NCOA2: variants seen among roughly 807,000 people sequenced by gnomAD.
NCOA2 encodes the protein nuclear receptor coactivator 2, also known as class E basic helix-loop-helix protein 75.
Under a neutral mutation model 145.1 loss-of-function variants are expected in NCOA2, and 21 were observed. The ratio of observed to expected loss-of-function variants is 0.14; its 90% confidence interval spans 0.10 to 0.21. NCOA2 has a LOEUF of 0.21. Among genes scored for constraint, NCOA2 ranks in the 10% least tolerant of loss-of-function variants. The pLI, the probability that NCOA2 is intolerant of heterozygous loss-of-function variation, is 1.00. For missense variants in NCOA2, 1,472 were observed against 1,837.6 expected, an observed-to-expected ratio of 0.80 and a Z score of 3.64; for synonymous variants, 619 against 637.5, an observed-to-expected ratio of 0.97 and a Z score of 0.44.
At chr8:70,432,496 T>C in the NCOA2 span, among the ~76,000 whole-genome samples, 1 of 152,068 alleles carries the variant, frequency 6.6e-6, no homozygotes, top group African/African-American at 2.4e-5. Context: ...ACTCTGTCTC[T>C]ACAAAAATAA....
At chr8:70,149,078 T>A (rs889522958) in intron 11 of NCOA2, among the ~76,000 whole-genome samples, 1 of 151,906 alleles carries the variant, frequency 6.6e-6, no homozygotes, top group Admixed American at 6.6e-5. Context: ...ATTTGAGTAG[T>A]CCTTTTTTTC....
rs1216404936 is a variant in NCOA2 at position 70,331,534 on chromosome 8, AATGTCT to A, written c.-76-34740_-76-34735del. Among the ~76,000 whole-genome samples the A allele has an allele frequency of 8.5e-5, 13 of 152,248 alleles. No homozygotes were observed. In the East Asian group the frequency reaches 2.5e-3, roughly 29 times the overall value. On this transcript the variant is annotated intron_variant, in intron 1 of 22. Transcript: ENST00000452400. The stretch of plus-strand genomic sequence containing the variant: ...AAGTAACAGATATTCCTTACGTTAA[AATGTCT>A]AAAATTAATGCTATGTATTAATTTA...
chr8:70,156,520 G>A lies in NCOA2; in HGVS notation c.1845C>T (p.Pro615=), dbSNP rs1488068656. ...CACTGCTCACGGCCGGGGGCAGGTT[G>A]GGGTCATTTGTTTCCTTTTGCTCTC... is the stretch of plus-strand genomic sequence containing the variant. The part of the protein sequence containing the change: ...HPGEQKETND[P]NLPPAVSSER... The change falls in exon 11 of 23, where the codon CCC becomes CCT. Residue 615 remains proline, a synonymous_variant. Transcript: ENST00000452400. The A allele has an allele frequency of 1.9e-6, 3 of 1,613,698 alleles. No homozygotes were observed. In the African/African-American group the frequency reaches 4.0e-5, roughly 22 times the overall value.
At chr8:70,393,977 T>C (rs1440218840) in intron 1 of NCOA2, among the ~76,000 whole-genome samples, 1 of 152,196 alleles carries the variant, frequency 6.6e-6, no homozygotes, top group Non-Finnish European at 1.5e-5. Flanking sequence ...TTACATGTAA[T>C]AGCTTAGAAT....
At position 70,156,178 on chromosome 8, in the gene NCOA2, A is replaced by C; in HGVS notation, c.2187T>G (p.Thr729=). ...TGGGGCTCACCGGCTCTTGTTTAAT[A>C]GTCACTTCTGATCCAGGAGCTGTGC... ...SSSTAPGSEV[T]IKQEPVSPKK... is the part of the protein sequence containing the mutation. Residue 729 remains threonine, a synonymous_variant, in exon 11 of 23, where the codon ACT becomes ACG. Transcript: ENST00000452400. 1.2e-6 allele frequency: 2 copies of C among 1,613,934 alleles called. No homozygotes were observed. The highest frequency in any genetic ancestry group is 1.7e-6 in the Non-Finnish European group (2 of 1,179,874).
At chr8:70,199,285 T>C (rs780652047) in intron 4 of NCOA2, among the ~76,000 whole-genome samples, 8 of 151,580 alleles carry the variant, frequency 5.3e-5, no homozygotes, top group Non-Finnish European at 1.0e-4. Flanking sequence ...TTGTCTCTAC[T>C]AAAAATACAA....
At chr8:70,347,929 T>C (rs1256089249) in intron 1 of NCOA2, among the ~76,000 whole-genome samples, 1 of 152,168 alleles carries the variant, frequency 6.6e-6, no homozygotes, top group Non-Finnish European at 1.5e-5. Flanking sequence ...AAGAAGAGAG[T>C]GTAGGAAATT....
At chr8:70,314,122 G>C (rs1211943191) in intron 1 of NCOA2, among the ~76,000 whole-genome samples, 1 of 134,712 alleles carries the variant, frequency 7.4e-6, no homozygotes, top group African/African-American at 2.8e-5. Context: ...AGAGCTTGCA[G>C]TGAGCCGAGA....
rs1806526985 is a variant in NCOA2, at chr8:70,111,406, AC to A, written c.*2225del. The A allele has an allele frequency of 4.5e-6, 1 of 221,558 alleles. No homozygotes were observed. The highest frequency in any genetic ancestry group is 9.0e-6 in the Non-Finnish European group (1 of 110,628). The allele number at this position is 221,558 out of a possible 1,614,324, so 13.7% of individuals were successfully genotyped here. The stretch of plus-strand genomic sequence containing the variant: ...ATTTCTGAACATTAAAACTGGTCAC[AC>A]TGAATTGTATGCCACATGAGCCTCA... On this transcript the variant is annotated 3_prime_UTR_variant, in exon 23 of 23. Coordinates refer to ENST00000452400, the MANE Select transcript of NCOA2 (RefSeq NM_006540.4).
intron 2 of NCOA2, among the ~76,000 whole-genome samples, chr8:70,283,251 C>A (rs6472514): frequency 0.38 from 57,712 of 152,056 alleles, 13,518 homozygotes; most frequent in East Asian, 0.69. Flanking sequence ...TCGATAGGTG[C>A]GACTAGTTGT....
At chr8:70,333,806 T>C (rs915312351) in intron 1 of NCOA2, among the ~76,000 whole-genome samples, 1 of 152,202 alleles carries the variant, frequency 6.6e-6, no homozygotes, top group African/African-American at 2.4e-5. Flanking sequence ...GCCTGAGCAA[T>C]ATACATACCT....
At chr8:70,348,666 A>G (rs940609049) in intron 1 of NCOA2, among the ~76,000 whole-genome samples, 5 of 152,160 alleles carry the variant, frequency 3.3e-5, no homozygotes, top group African/African-American at 1.2e-4. Context: ...CACATGTAAG[A>G]TAAGAGAGAA....
At chr8:70,194,676 CTTTTT>C (rs199803538) in intron 4 of NCOA2, among the ~76,000 whole-genome samples, 40 of 109,874 alleles carry the variant, frequency 3.6e-4, no homozygotes, top group East Asian at 2.7e-3. Flanking sequence ...CTTTTATCTT[CTTTTT>C]TTTTTTTTTT....
intron 13 of NCOA2, among the ~76,000 whole-genome samples, chr8:70,142,173 G>C (rs1282887441): frequency 6.6e-6 from 1 of 152,156 alleles, no homozygotes; most frequent in African/African-American, 2.4e-5. Flanking sequence ...GCTAAGACTT[G>C]ATATTCTAAA....
At chr8:70,228,936 C>T (rs183612613) in intron 2 of NCOA2, among the ~76,000 whole-genome samples, 9 of 152,290 alleles carry the variant, frequency 5.9e-5, no homozygotes, top group Admixed American at 2.0e-4. Flanking sequence ...AGAGACACCA[C>T]GACACAGTAT....
chr8:70,391,752 G>C (rs1462303001), intron 1 of NCOA2, among the ~76,000 whole-genome samples: 1 of 152,140 alleles, frequency 6.6e-6, no homozygotes, highest in African/African-American at 2.4e-5. Flanking sequence ...AGATGAAAGG[G>C]AGAGAACAAA....
intron 1 of NCOA2, among the ~76,000 whole-genome samples, chr8:70,307,220 C>CAAAAAA (rs57161747): frequency 7.8e-3 from 554 of 71,282 alleles, no homozygotes; most frequent in Non-Finnish European, 0.011. Context: ...CCTACATAAG[C>CAAAAAA]AAAAAAAAAA....
At chr8:70,450,186 G>A in the NCOA2 span, among the ~76,000 whole-genome samples, 6 of 152,174 alleles carry the variant, frequency 3.9e-5, no homozygotes, top group Non-Finnish European at 8.8e-5. Flanking sequence ...TCACACACAT[G>A]AGCTAGAGCT....
At chr8:70,371,889 T>A (rs183703966) in intron 1 of NCOA2, among the ~76,000 whole-genome samples, 1 of 152,208 alleles carries the variant, frequency 6.6e-6, no homozygotes, top group African/African-American at 2.4e-5. Flanking sequence ...AAGTGCATTA[T>A]TAGATAATAT....
Sources: gnomAD v4.1 joint callset for allele counts (sites outside exome capture counted in the v4.1 genomes callset) on GRCh38, gnomAD v4.1.1 for gene constraint, MANE v1.5 for transcripts, NCBI Gene and HGNC (gene_info 2026-07-23, HGNC 2026-07-21) for gene names.